The following ENGASE variants were observed in gnomAD, a reference collection of about 807,000 sequenced individuals.
ENGASE encodes cytosolic endo-beta-N-acetylglucosaminidase.
A neutral mutation model predicts 78.5 loss-of-function variants in ENGASE; 69 were observed. The ratio of observed to expected loss-of-function variants is 0.88; its 90% CI spans 0.72 to 1.07. The LOEUF (loss-of-function observed/expected upper bound fraction) is 1.07, where lower values mean the gene tolerates loss of function less well. Among genes scored for constraint, ENGASE ranks in the 50% least tolerant of loss-of-function variants. ENGASE has a pLI of 0.00. For missense variants in ENGASE, 943 were observed against 988.4 expected, an observed-to-expected ratio of 0.95 and a Z score of 0.62; for synonymous variants, 408 against 408.9, an observed-to-expected ratio of 1.00 and a Z score of 0.03.
rs2073359332 is a variant in ENGASE at position 79,087,594 on chromosome 17, C to T, written c.*1245C>T. On this transcript the variant is annotated 3_prime_UTR_variant, in exon 14 of 14. Coordinates refer to ENST00000579016, the MANE Select transcript of ENGASE (RefSeq NM_001042573.3). Reference sequence around the variant, plus strand: ...TTCCACGGTGTCAGTGGCCTGAAGTCCCTCGCTTTTGGGGGGGGGGTCTCT... The same window carrying T: ...TTCCACGGTGTCAGTGGCCTGAAGTTCCTCGCTTTTGGGGGGGGGGTCTCT... 2 of 150,538 alleles carry T rather than the reference C, an allele frequency of 1.3e-5. No individual in the cohort carries two copies. The highest frequency in any genetic ancestry group is 2.9e-5 in the Non-Finnish European group (2 of 68,104). The allele number at this position is 150,538 out of a possible 1,614,324, so 9.3% of individuals were successfully genotyped here.
chr17:79,084,950 T>G (rs1019901345), intron 11 of ENGASE, among the ~76,000 whole-genome samples: 15 of 152,102 alleles, frequency 9.9e-5, no homozygotes, highest in Admixed American at 2.0e-4. Flanking sequence ...AGACCTGAGC[T>G]GCACAGCCTT....
At chr17:79,077,191 G>C (rs1035683284) in intron 1 of ENGASE, among the ~76,000 whole-genome samples, 1 of 152,158 alleles carries the variant, frequency 6.6e-6, no homozygotes, top group African/African-American at 2.4e-5. Context: ...TTTATTCTTA[G>C]GAGTAATCAT....
rs868239839 is a variant in ENGASE at position 79,082,166 on chromosome 17, A to G, written c.1038+103A>G. ...CCCGTCTGCACCTCAAAGGAATGAC[A>G]GCAGCTGTTCTTCCCAGAGTGGGGA... On this transcript the variant is annotated intron_variant, in intron 7 of 13. Coordinates refer to ENST00000579016, the MANE Select transcript of ENGASE (RefSeq NM_001042573.3). 2.5e-6 allele frequency: 4 copies of G among 1,599,296 alleles called. No individual in the cohort carries two copies. The African/African-American group carries it at 5.4e-5, about 21-fold the overall frequency.
Position 79,086,203 on chromosome 17 carries a change from C to T in ENGASE, c.2086C>T (p.Arg696Trp), listed in dbSNP as rs750012407. The T allele has an allele frequency of 5.4e-5, 87 of 1,613,468 alleles. No homozygotes were observed. Among genetic ancestry groups the T allele is most frequent in the Middle Eastern group, 3.3e-4 (2 of 6,084 alleles). Residue 696 changes from arginine to tryptophan, a missense_variant, in exon 14 of 14, where the codon CGG (arginine) becomes TGG (tryptophan). Physicochemically the swap from Arg to Trp is moderately radical, Grantham distance 101. Transcript: ENST00000579016. ...FLGLAFATQYRIVDLLVEAAG... is the reference protein window; with the variant it reads ...FLGLAFATQYWIVDLLVEAAG... ...GGGGTTGGCTTTTGCCACCCAGTAC[C>T]GGATAGTGGACCTGCTGGTGGAAGC...
rs372546941 is a variant in ENGASE at position 79,077,764 on chromosome 17, G to A, written c.316G>A (p.Val106Met). 44 of 1,614,052 alleles carry A rather than the reference G, an allele frequency of 2.7e-5. No homozygotes were observed. The highest frequency in any genetic ancestry group is 3.6e-5 in the Non-Finnish European group (42 of 1,180,048). Residue 106 changes from valine to methionine, a missense_variant, in exon 3 of 14, where the codon GTG becomes ATG. Transcript: ENST00000579016. ...GCCCCGCTTGGAGGATGGCTTTAAT[G>A]TGGCCCTGGAGCCCCTGGCGTGTCG... ...WKPRLEDGFN[V>M]ALEPLACRQP...
intron 1 of ENGASE, chr17:79,075,788 C>T (rs1178190723): frequency 5.1e-6 from 5 of 985,314 alleles, no homozygotes; most frequent in African/African-American, 3.5e-5. Flanking sequence ...TTTCAGACCT[C>T]ATGAAGATGG....
chr17:79,085,281 A>T lies in ENGASE; in HGVS notation c.1639A>T (p.Thr547Ser). 1 of 1,613,296 alleles carries T rather than the reference A, an allele frequency of 6.2e-7. No individual in the cohort carries two copies. The highest frequency in any genetic ancestry group is 1.1e-5 in the South Asian group (1 of 91,070). ...CCTCCGACCCCTCCGGGTGCCCCCC[A>T]CCAAGCTGGCCAGATGGGTGGGCCG... Reference protein sequence around the residue: ...HSLRPLRVPPTKLARWVGRCG... With the variant: ...HSLRPLRVPPSKLARWVGRCG... The change falls in exon 12 of 14, where the codon ACC (threonine) becomes TCC (serine). Residue 547 changes from threonine (T) to serine (S), a missense_variant. Thr to Ser is a moderately conservative substitution (Grantham distance 58). Transcript: ENST00000579016.
intron 2 of ENGASE, 64 bp downstream of exon 2, chr17:79,077,561 C>G: frequency 6.5e-7 from 1 of 1,548,324 alleles, no homozygotes; most frequent in Non-Finnish European, 8.8e-7. Context: ...GGCAGGTCAG[C>G]CCCTGCCCCC....
In ENGASE at chr17:79,077,838, C is replaced by T. The variant is rs200699259; in HGVS notation, c.390C>T (p.Asp130=). ...SQRPRTLLCH[D]MMGGYLDDRF... is the part of the protein sequence containing the mutation. ...GGCCCCGGACTTTGTTGTGTCATGA[C>T]ATGATGGGCGGGTACCTGGATGACA... Residue 130 remains aspartate (D), a synonymous_variant, in exon 3 of 14, where the codon GAC becomes GAT. Coordinates refer to ENST00000579016, the MANE Select transcript of ENGASE (RefSeq NM_001042573.3). 5,811 of 1,612,932 alleles carry T rather than the reference C, an allele frequency of 3.6e-3. 17 individuals carry two copies. Among genetic ancestry groups the T allele is most frequent in the Non-Finnish European group, 3.9e-3 (4,567 of 1,179,460 alleles).
At position 79,083,862 on chromosome 17, in the gene ENGASE, G is replaced by A. The variant is rs757433450; in HGVS notation, c.1353G>A (p.Thr451=). ...GGGATGGCCGGGGCTGGGTGAGGACGCACTGCTGCCTGGAGGATGCCTGGC... is the reference window on the plus strand; with the variant it reads ...GGGATGGCCGGGGCTGGGTGAGGACACACTGCTGCCTGGAGGATGCCTGGC... ...LGGDGRGWVR[T]HCCLEDAWHG... Residue 451 remains threonine, a synonymous_variant, in exon 10 of 14, where the codon ACG becomes ACA. Coordinates refer to ENST00000579016, the MANE Select transcript of ENGASE (RefSeq NM_001042573.3). This position sits in a 1 kb window ranked among gnomAD's most constrained non-coding sequence, Gnocchi z 4.9. 3.7e-6 allele frequency: 6 copies of A among 1,612,482 alleles called. No homozygotes were observed. The highest frequency in any genetic ancestry group is 4.5e-5 in the East Asian group (2 of 44,860).
In ENGASE at chr17:79,075,015, C is replaced by G. The variant is rs1160695316; in HGVS notation, c.71C>G (p.Ala24Gly). 8.3e-7 allele frequency: 1 copy of G among 1,210,910 alleles called. No individual in the cohort carries two copies. Among genetic ancestry groups the G allele is most frequent in the Admixed American group, 4.3e-5 (1 of 23,274 alleles). The allele number at this position is 1,210,910 out of a possible 1,614,324, so 75.0% of individuals were successfully genotyped here. ...RRRRRQLQGL[A>G]APEAGTQEEQ... ...CGGCGGCGGCAGCTGCAGGGGCTGG[C>G]GGCCCCGGAGGCGGGGACGCAGGAG... The change falls in exon 1 of 14, where the codon GCG becomes GGG. Residue 24 changes from alanine (A) to glycine (G), a missense_variant. By Grantham distance (60) the Ala-to-Gly change is moderately conservative (BLOSUM62 0). Coordinates refer to ENST00000579016, the MANE Select transcript of ENGASE (RefSeq NM_001042573.3).
rs558735001 is a variant in ENGASE, at chr17:79,080,448, C to G, written c.723+84C>G. 7.3e-6 allele frequency: 11 copies of G among 1,506,398 alleles called. No individual in the cohort carries two copies. In the African/African-American group the frequency reaches 1.4e-4, roughly 19 times the overall value. The allele number at this position is 1,506,398 out of a possible 1,614,324, so 93.3% of individuals were successfully genotyped here. On this transcript the variant is annotated intron_variant, in intron 5 of 13. Coordinates refer to ENST00000579016, the MANE Select transcript of ENGASE (RefSeq NM_001042573.3). The stretch of plus-strand genomic sequence containing the variant: ...CCTCTTTCCTGCCTTGGCCTCACCT[C>G]GCCCCACGCCTGGGCTGCAGGTTGC...
chr17:79,078,570 G>A (rs1000225424), intron 3 of ENGASE, among the ~76,000 whole-genome samples: 7 of 152,164 alleles, frequency 4.6e-5, no homozygotes, highest in African/African-American at 1.2e-4. Context: ...GTTCTGGGTC[G>A]CTGGGCTCTG....
intron 10 of ENGASE, 102 bp from the exon 11 acceptor site, chr17:79,084,436 C>G: frequency 8.3e-7 from 1 of 1,205,316 alleles, no homozygotes; most frequent in Non-Finnish European, 1.1e-6. Context: ...GGCACCCAGG[C>G]CCCCTGTTCC....
At position 79,083,847 on chromosome 17, in the gene ENGASE, G is replaced by A. The variant is rs768044853; in HGVS notation, c.1338G>A (p.Arg446=). 6.2e-7 allele frequency: 1 copy of A among 1,612,908 alleles called. No homozygotes were observed. Among genetic ancestry groups the A allele is most frequent in the South Asian group, 1.1e-5 (1 of 91,036 alleles). The change falls in exon 10 of 14, where the codon CGG becomes CGA. Residue 446 remains arginine, a synonymous_variant. Transcript: ENST00000579016. The surrounding 1 kb of genome is among the most constrained non-coding windows in gnomAD (Gnocchi z 4.9). ...FGEHRLGGDG[R]GWVRTHCCLE... Reference sequence around the variant, plus strand: ...AACACAGGCTGGGAGGGGATGGCCGGGGCTGGGTGAGGACGCACTGCTGCC... The same window carrying A: ...AACACAGGCTGGGAGGGGATGGCCGAGGCTGGGTGAGGACGCACTGCTGCC...
chr17:79,085,639 C>A lies in ENGASE; in HGVS notation c.1720C>A (p.Arg574Ser). The A allele has an allele frequency of 6.2e-7, 1 of 1,613,856 alleles. No individual in the cohort carries two copies. Among genetic ancestry groups the A allele is most frequent in the South Asian group, 1.1e-5 (1 of 91,086 alleles). The change falls in exon 13 of 14, where the codon CGT becomes AGT. Residue 574 changes from arginine to serine, a missense_variant. Coordinates refer to ENST00000579016, the MANE Select transcript of ENGASE (RefSeq NM_001042573.3). ...CCGTAGCTGCTACGAGGTGAGCCTG[C>A]GTGGGTGCCTGCTGCTAGACCTCCT... is the stretch of plus-strand genomic sequence containing the variant. ...WVQHCYEVSL[R>S]GCLLLDLLVC...
Position 79,085,163 on chromosome 17 carries a change from C to A in ENGASE, c.1592-71C>A, listed in dbSNP as rs2073257348. ...AGCCTTCTCTGGACTCCTGGGGCGC[C>A]CTTGGTGGTCCTTCTCAGTGCCTTT... is the stretch of plus-strand genomic sequence containing the variant. On this transcript the variant is annotated intron_variant, in intron 11 of 13. Transcript: ENST00000579016. 4.0e-6 allele frequency: 5 copies of A among 1,263,892 alleles called. No individual in the cohort carries two copies. In the South Asian group the frequency reaches 4.8e-5, roughly 12 times the overall value. 78.3% of individuals were successfully genotyped at this position (1,263,892 alleles called of 1,614,324 possible).
chr17:79,082,141 C>G (rs1378685869), intron 7 of ENGASE, 78 bp downstream of exon 7: 1 of 1,611,676 alleles, frequency 6.2e-7, no homozygotes, highest in Non-Finnish European at 8.5e-7. Context: ...ACCTTCCATT[C>G]CCGTCTGCAC....
rs1402129362 is a variant in ENGASE, at chr17:79,075,075, G to A, written c.131G>A (p.Arg44Gln). The change falls in exon 1 of 14, where the codon CGG (arginine) becomes CAG (glutamine). Residue 44 changes from arginine (R) to glutamine (Q), a missense_variant. Physicochemically the swap from Arg to Gln is conservative, Grantham distance 43 (BLOSUM62 1). Coordinates refer to ENST00000579016, the MANE Select transcript of ENGASE (RefSeq NM_001042573.3). ...QEDQEPRPRR[R>Q]RPGRSIKDEE... ...GATCAGGAGCCGCGGCCGCGGCGGCGGCGGCCGGGAAGGAGGTGGGGCTGC... is the reference window on the plus strand; with the variant it reads ...GATCAGGAGCCGCGGCCGCGGCGGCAGCGGCCGGGAAGGAGGTGGGGCTGC... 14 of 1,205,084 alleles carry A rather than the reference G, an allele frequency of 1.2e-5. No homozygotes were observed. The highest frequency in any genetic ancestry group is 1.0e-4 in the East Asian group (3 of 29,914). The allele number at this position is 1,205,084 out of a possible 1,614,324, so 74.6% of individuals were successfully genotyped here.
Sources: allele counts gnomAD v4.1 joint callset (sites outside exome capture counted in the v4.1 genomes callset), GRCh38; gene constraint gnomAD v4.1.1; non-coding constraint Gnocchi (gnomAD v3.1); transcripts MANE v1.5; gene names NCBI Gene and HGNC (gene_info 2026-07-23, HGNC 2026-07-21).